TYW1: variants seen among roughly 807,000 people sequenced by gnomAD.
TYW1 encodes the protein tRNA-yW synthesizing protein 1 homolog.
Under a neutral mutation model 96.2 loss-of-function variants are expected in TYW1, and 46 were observed. The observed-to-expected ratio is 0.48, with a 90% CI of 0.38 to 0.61. The LOEUF (loss-of-function observed/expected upper bound fraction) is 0.61. Ranked by LOEUF, TYW1 falls within the 20% of genes least tolerant of loss-of-function variation. The pLI, the probability that TYW1 is intolerant of heterozygous loss-of-function variation, is 0.00. For synonymous variants in TYW1, 274 were observed against 323.0 expected (o/e 0.85, Z 1.63); for missense variants, 684 against 909.6 (o/e 0.75, Z 3.19).
chr7:67,017,405 T>G (rs1794062817), intron 5 of TYW1, among the ~76,000 whole-genome samples: 5 of 152,220 alleles, frequency 3.3e-5, no homozygotes. Flanking sequence ...CACAGTGAAA[T>G]AAATTACTGA....
chr7:67,075,343 C>A (rs1796169404), intron 10 of TYW1, among the ~76,000 whole-genome samples: 1 of 151,990 alleles, frequency 6.6e-6, no homozygotes, highest in Admixed American at 6.6e-5. Flanking sequence ...GAAGTGGGGG[C>A]AGGGTGGAGG....
intron 13 of TYW1, among the ~76,000 whole-genome samples, chr7:67,171,102 T>G (rs1392565634): frequency 6.6e-6 from 1 of 152,128 alleles, no homozygotes; most frequent in African/African-American, 2.4e-5. Context: ...ATTGTCCATT[T>G]CTCCTTGAGT....
chr7:67,207,591 C>T (rs1337299960), intron 15 of TYW1, among the ~76,000 whole-genome samples: 1 of 151,450 alleles, frequency 6.6e-6, no homozygotes, highest in Non-Finnish European at 1.5e-5. Flanking sequence ...GTAAAATTGG[C>T]TAGCAGAAAT....
At chr7:67,009,968 ATTTTCTTTTTTC>A (rs1221084917) in intron 4 of TYW1, among the ~76,000 whole-genome samples, 10 of 147,808 alleles carry the variant, frequency 6.8e-5, no homozygotes, top group Admixed American at 6.7e-5. Flanking sequence ...CCTTCCCACA[ATTTTCTTTTTTC>A]TTTTCTTTTT....
chr7:67,055,494 G>C (rs1795478501), intron 8 of TYW1, among the ~76,000 whole-genome samples: 1 of 151,704 alleles, frequency 6.6e-6, no homozygotes, highest in Admixed American at 6.6e-5. Context: ...AATTACGCGG[G>C]AGTCTGAGGC....
At chr7:67,028,178 G>A (rs1653203913) in intron 7 of TYW1, among the ~76,000 whole-genome samples, 1 of 150,924 alleles carries the variant, frequency 6.6e-6, no homozygotes, top group African/African-American at 2.4e-5. Flanking sequence ...GGCAGAGGTT[G>A]CATTCAGCTG....
rs1353757040 is a variant in TYW1, at chr7:67,228,416, C to T, written c.1978-9892C>T. Among the ~76,000 whole-genome samples, 3 of 152,252 alleles carry T rather than the reference C, an allele frequency of 2.0e-5. No individual in the cohort carries two copies. In the East Asian group the frequency reaches 5.8e-4, roughly 29 times the overall value. ...ACAGGAAAGGCCCTCCTCCATGATT[C>T]AATTACCTCCTACCTGGTCCCTCCC... On this transcript the variant is annotated intron_variant, in intron 15 of 15. Coordinates refer to ENST00000359626, the MANE Select transcript of TYW1 (RefSeq NM_018264.4).
Position 67,179,396 on chromosome 7 carries a change from C to T in TYW1, c.1699-3730C>T, listed in dbSNP as rs1312407099. Among the ~76,000 whole-genome samples, 4 of 135,900 alleles carry T rather than the reference C, an allele frequency of 2.9e-5. No homozygotes were observed. The East Asian group carries it at 5.9e-4, about 20-fold the overall frequency. The allele number at this position is 135,900 out of a possible 152,430, so 89.2% of individuals were successfully genotyped here. A position where few individuals can be genotyped will look rare whatever the true frequency, so the allele number is the denominator to read the frequency against. Reference sequence around the variant, plus strand: ...CCTGTTTTGGTCAGCAGGGTTGTGACCAGAAAACAAGTCCTGCCAGTCTCC... The same window carrying T: ...CCTGTTTTGGTCAGCAGGGTTGTGATCAGAAAACAAGTCCTGCCAGTCTCC... On this transcript the variant is annotated intron_variant, in intron 13 of 15. Transcript: ENST00000359626.
chr7:67,140,206 C>T (rs28433126), intron 13 of TYW1, among the ~76,000 whole-genome samples: 34,757 of 149,368 alleles, frequency 0.23, 2,081 homozygotes, highest in African/African-American at 0.33. Flanking sequence ...CCTACCAGGT[C>T]CCCCCACAAC....
rs1797235908 is a variant in TYW1, at chr7:67,106,152, C to A, written c.1562+7434C>A. On this transcript the variant is annotated intron_variant, in intron 12 of 15. Coordinates refer to ENST00000359626, the MANE Select transcript of TYW1 (RefSeq NM_018264.4). ...CCTCAGGTGATCCGCCCACCTTGGCCTCCCAAAGTGCTGGGATTACAGGTG... is the reference window on the plus strand; with the variant it reads ...CCTCAGGTGATCCGCCCACCTTGGCATCCCAAAGTGCTGGGATTACAGGTG... 1.3e-5 allele frequency among the ~76,000 whole-genome samples: 2 copies of A among 152,162 alleles called. 1 individual carries two copies. The highest frequency in any genetic ancestry group is 4.1e-4 in the South Asian group (2 of 4,834).
At chr7:67,185,264 C>G (rs1044008869) in intron 14 of TYW1, among the ~76,000 whole-genome samples, 1 of 151,586 alleles carries the variant, frequency 6.6e-6, no homozygotes, top group Non-Finnish European at 1.5e-5. Flanking sequence ...TAGGAAAGGG[C>G]GTGAAGCTGG....
chr7:67,096,584 T>G (rs934048615), intron 11 of TYW1, among the ~76,000 whole-genome samples: 1 of 152,152 alleles, frequency 6.6e-6, no homozygotes, highest in Non-Finnish European at 1.5e-5. Flanking sequence ...TTCTTTGTTT[T>G]TTTTTTAACT....
intron 13 of TYW1, among the ~76,000 whole-genome samples, chr7:67,133,667 T>A (rs2690150): frequency 1.9e-5 from 2 of 105,104 alleles, no homozygotes; most frequent in East Asian, 2.1e-4. Context: ...TGTGAGCCAC[T>A]GTGCCTGGCC....
chr7:67,239,370 G>A lies in TYW1; in HGVS notation c.*841G>A, dbSNP rs1447321778. The A allele has an allele frequency of 2.0e-6, 2 of 985,082 alleles. No homozygotes were observed. Among genetic ancestry groups the A allele is most frequent in the Non-Finnish European group, 2.4e-6 (2 of 829,760 alleles). 61.0% of individuals were successfully genotyped at this position (985,082 alleles called of 1,614,324 possible). A position where few individuals can be genotyped will look rare whatever the true frequency, so the allele number is the denominator to read the frequency against. ...ATCTTCTTTCACTCCTGTGGCCCTGGCTGCTTTACACAATCTGTTCTATAA... is the reference window on the plus strand; with the variant it reads ...ATCTTCTTTCACTCCTGTGGCCCTGACTGCTTTACACAATCTGTTCTATAA... On this transcript the variant is annotated 3_prime_UTR_variant, in exon 16 of 16. Coordinates refer to ENST00000359626, the MANE Select transcript of TYW1 (RefSeq NM_018264.4).
intron 5 of TYW1, among the ~76,000 whole-genome samples, 176 bp from the exon 6 acceptor site, chr7:67,017,677 C>A (rs1794071689): frequency 6.6e-6 from 1 of 152,122 alleles, no homozygotes; most frequent in Non-Finnish European, 1.5e-5. Context: ...AAATGACCCT[C>A]TTCTGGGTCA....
intron 12 of TYW1, among the ~76,000 whole-genome samples, chr7:67,110,535 A>G (rs1269990181): frequency 2.0e-5 from 3 of 152,236 alleles, no homozygotes; most frequent in Admixed American, 6.5e-5. Context: ...TCAGTGGCCA[A>G]ACACAACAAT....
At chr7:67,073,546 C>T (rs569114129) in intron 10 of TYW1, among the ~76,000 whole-genome samples, 4 of 151,148 alleles carry the variant, frequency 2.6e-5, no homozygotes, top group African/African-American at 4.9e-5. Flanking sequence ...CTGAGGCAGG[C>T]GGATCACGAG....
intron 10 of TYW1, among the ~76,000 whole-genome samples, chr7:67,082,527 A>G (rs1226391762): frequency 6.6e-6 from 1 of 151,980 alleles, no homozygotes; most frequent in Non-Finnish European, 1.5e-5. Context: ...AGCTTGTGCT[A>G]TTTCTGGCAG....
chr7:67,023,520 C>G (rs949526356), intron 6 of TYW1, among the ~76,000 whole-genome samples: 1 of 151,972 alleles, frequency 6.6e-6, no homozygotes, highest in African/African-American at 2.4e-5. Flanking sequence ...GTAACCCCAG[C>G]AATTTGGGAG....
Sources: gnomAD v4.1 joint callset for allele counts (sites outside exome capture counted in the v4.1 genomes callset) on GRCh38, gnomAD v4.1.1 for gene constraint, MANE v1.5 for transcripts, NCBI Gene and HGNC (gene_info 2026-07-23, HGNC 2026-07-21) for gene names.